NRXN1: variants seen among roughly 807,000 people sequenced by gnomAD.
NRXN1 encodes the protein neurexin-1.
NRXN1 carries 39 observed loss-of-function variants against 150.9 expected under a neutral mutation model. The observed-to-expected ratio is 0.26, with a 90% CI of 0.20 to 0.34. NRXN1 has a LOEUF of 0.34. NRXN1 is among the 10% of genes least tolerant of loss of function. The probability of loss-of-function intolerance (pLI) is 1.00; values close to 1 mark genes in which losing one functional copy is unlikely to be tolerated. For missense variants in NRXN1, 1,815 were observed against 1,949.9 expected (o/e 0.93, Z 1.30); for synonymous variants, 924 against 757.0 (o/e 1.22, Z -3.62).
intron 10 of NRXN1, among the ~76,000 whole-genome samples, chr2:50,532,300 G>C (rs534526785): frequency 1.0e-4 from 13 of 125,418 alleles, no homozygotes; most frequent in Non-Finnish European, 1.8e-4. Flanking sequence ...TCTAGGAGAA[G>C]TTACTGTCAT....
Position 50,181,624 on chromosome 2 carries a change from T to C in NRXN1, c.3546+55165A>G, listed in dbSNP as rs114058917. Among the ~76,000 whole-genome samples, 389 of 152,214 alleles carry C rather than the reference T, an allele frequency of 2.6e-3. 1 individual carries two copies. Among genetic ancestry groups the C allele is most frequent in the African/African-American group, 9.1e-3 (380 of 41,562 alleles). On this transcript the variant is annotated intron_variant, in intron 18 of 22. Transcript: ENST00000401669. Reference sequence around the variant, plus strand: ...ATTTTGGCCATTTACAGCTGAGGACTAGGACTTTTTTTTAATCGTTCTGAT... The same window carrying C: ...ATTTTGGCCATTTACAGCTGAGGACCAGGACTTTTTTTTAATCGTTCTGAT...
At chr2:51,030,365 G>T (rs1671300968) in intron 1 of NRXN1, among the ~76,000 whole-genome samples, 1 of 151,802 alleles carries the variant, frequency 6.6e-6, no homozygotes, top group African/African-American at 2.4e-5. Flanking sequence ...GCTGAAACTA[G>T]CAGTAATTTA....
At chr2:50,686,635 A>G (rs1230063236) in intron 5 of NRXN1, among the ~76,000 whole-genome samples, 6 of 152,230 alleles carry the variant, frequency 3.9e-5, no homozygotes, top group African/African-American at 1.4e-4. Flanking sequence ...ACATCCAACA[A>G]AACCCTGCTT....
chr2:50,740,912 GTTATT>G (rs1194593541), intron 5 of NRXN1, among the ~76,000 whole-genome samples: 1 of 152,074 alleles, frequency 6.6e-6, no homozygotes, highest in Non-Finnish European at 1.5e-5. Context: ...GTTAATGAAC[GTTATT>G]TTTAGTTGAA....
intron 17 of NRXN1, among the ~76,000 whole-genome samples, chr2:50,381,644 A>T (rs1244381085): frequency 1.3e-5 from 2 of 152,026 alleles, no homozygotes; most frequent in Admixed American, 6.6e-5. Context: ...GCACATCAGA[A>T]GAAACTAGCT....
intron 22 of NRXN1, among the ~76,000 whole-genome samples, chr2:49,943,194 A>G (rs560625330): frequency 1.1e-3 from 169 of 152,210 alleles, no homozygotes; most frequent in Non-Finnish European, 2.1e-3. Context: ...ATATTTCTCT[A>G]TTAAAGATAT....
intron 17 of NRXN1, among the ~76,000 whole-genome samples, chr2:50,407,820 T>C (rs369878490): frequency 1.3e-5 from 2 of 152,238 alleles, no homozygotes; most frequent in Middle Eastern, 3.4e-3. Context: ...GTAAGAAATA[T>C]ATTCCATTTC....
intron 19 of NRXN1, among the ~76,000 whole-genome samples, chr2:50,078,843 G>A (rs1477039954): frequency 6.6e-6 from 1 of 152,050 alleles, no homozygotes; most frequent in Non-Finnish European, 1.5e-5. Context: ...GTGATCTGCT[G>A]AGTTTTTCTG....
At position 50,614,004 on chromosome 2, in the gene NRXN1, T is replaced by G. The variant is rs531599322; in HGVS notation, c.1320+6018A>C. ...GATATGGTAAGTAAAAATATGTGGA[T>G]CTGTATGGAAAATGTTTAGGAAAAA... On this transcript the variant is annotated intron_variant, in intron 8 of 22. Transcript: ENST00000401669. Among the ~76,000 whole-genome samples, 7 of 152,228 alleles carry G rather than the reference T, an allele frequency of 4.6e-5. No individual in the cohort carries two copies. The South Asian group carries it at 1.5e-3, about 32-fold the overall frequency.
At chr2:50,893,532 T>C (rs1681416074) in intron 5 of NRXN1, among the ~76,000 whole-genome samples, 1 of 152,158 alleles carries the variant, frequency 6.6e-6, no homozygotes, top group Non-Finnish European at 1.5e-5. Context: ...AGATTCTTCT[T>C]AGAAGCTATT....
intron 21 of NRXN1, among the ~76,000 whole-genome samples, chr2:50,024,663 G>A (rs944226126): frequency 6.6e-6 from 1 of 151,766 alleles, no homozygotes; most frequent in Non-Finnish European, 1.5e-5. Flanking sequence ...TGCCCAGGCT[G>A]GAGTGCAATG....
chr2:50,227,357 A>G (rs2064491467), intron 18 of NRXN1, among the ~76,000 whole-genome samples: 1 of 152,026 alleles, frequency 6.6e-6, no homozygotes, highest in Admixed American at 6.6e-5. Flanking sequence ...GGGGGCTTCA[A>G]ATTGACAACT....
In NRXN1 at chr2:50,854,596, T is replaced by G. The variant is rs137967161; in HGVS notation, c.832+67273A>C. Among the ~76,000 whole-genome samples, 15 of 152,180 alleles carry G rather than the reference T, an allele frequency of 9.9e-5. No individual in the cohort carries two copies. The East Asian group carries it at 2.9e-3, about 29-fold the overall frequency. ...AAGATATCTCATGAAAAACTTATTATAGTTCGAGGAAAATAAGAGTTGAAG... is the reference window on the plus strand; with the variant it reads ...AAGATATCTCATGAAAAACTTATTAGAGTTCGAGGAAAATAAGAGTTGAAG... On this transcript the variant is annotated intron_variant, in intron 5 of 22. Transcript: ENST00000401669.
chr2:50,943,198 T>C (rs1284109800), intron 2 of NRXN1, among the ~76,000 whole-genome samples: 1 of 152,152 alleles, frequency 6.6e-6, no homozygotes, highest in Admixed American at 6.6e-5. Context: ...CATGAGGAAC[T>C]GTAAGTCAAT....
intron 2 of NRXN1, among the ~76,000 whole-genome samples, chr2:50,977,919 G>A (rs1696118943): frequency 6.6e-6 from 1 of 151,636 alleles, no homozygotes; most frequent in South Asian, 2.1e-4. Flanking sequence ...ATAGCAATCT[G>A]AAACAACAAA....
intron 18 of NRXN1, among the ~76,000 whole-genome samples, chr2:50,172,012 G>A (rs1286728689): frequency 1.3e-5 from 2 of 152,028 alleles, no homozygotes; most frequent in Non-Finnish European, 2.9e-5. Flanking sequence ...TTACACAAAT[G>A]TCTATGCAAC....
At chr2:49,925,058 G>A (rs60884569) in intron 22 of NRXN1, among the ~76,000 whole-genome samples, 29,749 of 151,900 alleles carry the variant, frequency 0.2, 3,108 homozygotes, top group East Asian at 0.29. Flanking sequence ...TTGGGAGGCC[G>A]AGGCGAGTGG....
chr2:50,613,888 A>G (rs1383171784), intron 8 of NRXN1, among the ~76,000 whole-genome samples: 1 of 152,204 alleles, frequency 6.6e-6, no homozygotes, highest in Non-Finnish European at 1.5e-5. Flanking sequence ...CAGTAAGCCA[A>G]GATCATGCCA....
At chr2:50,532,098 G>A (rs1325012783) in intron 10 of NRXN1, among the ~76,000 whole-genome samples, 2 of 151,850 alleles carry the variant, frequency 1.3e-5, no homozygotes, top group South Asian at 2.1e-4. Context: ...TGACCCTCTC[G>A]CCCAGGTTCC....
Sources: gnomAD v4.1 joint callset for allele counts (sites outside exome capture counted in the v4.1 genomes callset) on GRCh38, gnomAD v4.1.1 for gene constraint, MANE v1.5 for transcripts, NCBI Gene and HGNC (gene_info 2026-07-23, HGNC 2026-07-21) for gene names.